IQSEC1: variants seen among roughly 807,000 people sequenced by gnomAD.
IQSEC1 encodes IQ motif and SEC7 domain-containing protein 1.
In IQSEC1, 31 loss-of-function variants were observed where a neutral mutation model predicts 91.0. The ratio of observed to expected loss-of-function variants is 0.34; its 90% CI spans 0.26 to 0.46. The LOEUF is 0.46. IQSEC1 is among the 20% of genes least tolerant of loss of function. IQSEC1 has a pLI of 1.00. For synonymous variants in IQSEC1, 699 were observed against 662.6 expected (o/e 1.05, Z -0.84); for missense variants, 1,388 against 1,575.6 (o/e 0.88, Z 2.02).
intron 13 of IQSEC1, among the ~76,000 whole-genome samples, chr3:12,902,065 T>C (rs962111475): frequency 6.6e-6 from 1 of 152,058 alleles, no homozygotes; most frequent in Non-Finnish European, 1.5e-5. Context: ...CCTTGTCCTC[T>C]GGGAGAATGG....
chr3:13,037,309 C>T (rs1704072082), intron 1 of IQSEC1, among the ~76,000 whole-genome samples: 1 of 152,106 alleles, frequency 6.6e-6, no homozygotes, highest in African/African-American at 2.4e-5. Flanking sequence ...CCATAAATGC[C>T]CGCAGCCAAG....
chr3:12,913,696 T>G (rs979473277), intron 8 of IQSEC1, 143 bp from the exon 9 acceptor site: 2 of 677,158 alleles, frequency 3.0e-6, no homozygotes, highest in Non-Finnish European at 4.7e-6. Context: ...TCACAGACAT[T>G]GAAGAGCAGA....
intron 2 of IQSEC1, among the ~76,000 whole-genome samples, chr3:13,118,578 A>G (rs1219694688): frequency 3.3e-5 from 5 of 152,196 alleles, no homozygotes; most frequent in Non-Finnish European, 7.3e-5. Context: ...ATACTGAATG[A>G]TTTCATTTAT....
At chr3:13,273,255 C>T (rs1034806970) in intron 1 of IQSEC1, among the ~76,000 whole-genome samples, 12 of 152,152 alleles carry the variant, frequency 7.9e-5, no homozygotes, top group African/African-American at 2.2e-4. Context: ...AATACTCCAC[C>T]GGGAGCCTCA....
chr3:12,901,603 A>G, intron 13 of IQSEC1, 81 bp from the exon 14 acceptor site: 1 of 1,202,284 alleles, frequency 8.3e-7, no homozygotes, highest in South Asian at 1.4e-5. Flanking sequence ...TTCAAATGTA[A>G]AAATTCACCC....
chr3:12,960,953 T>C (rs1035273703), intron 1 of IQSEC1, among the ~76,000 whole-genome samples: 1 of 152,240 alleles, frequency 6.6e-6, no homozygotes, highest in Non-Finnish European at 1.5e-5. Context: ...GGGGACCACC[T>C]TGCCCTGGCC....
At chr3:13,185,893 C>T (rs1559272702) in intron 1 of IQSEC1, among the ~76,000 whole-genome samples, 2 of 152,256 alleles carry the variant, frequency 1.3e-5, no homozygotes, top group Non-Finnish European at 2.9e-5. Flanking sequence ...CTCTTCATTC[C>T]TGTCCAGGGC....
At chr3:13,043,301 T>C (rs576097442) in intron 1 of IQSEC1, among the ~76,000 whole-genome samples, 7 of 151,896 alleles carry the variant, frequency 4.6e-5, no homozygotes, top group Non-Finnish European at 1.0e-4. Flanking sequence ...CACCCTCACC[T>C]CTCCCCTTGT....
intron 2 of IQSEC1, among the ~76,000 whole-genome samples, chr3:13,106,605 C>A (rs1013451858): frequency 9.2e-5 from 14 of 152,182 alleles, no homozygotes; most frequent in African/African-American, 3.4e-4. Context: ...CTGCCCTTAA[C>A]CCTTAGGCAG....
At chr3:13,156,232 A>C (rs1038665425) in intron 2 of IQSEC1, among the ~76,000 whole-genome samples, 1 of 152,036 alleles carries the variant, frequency 6.6e-6, no homozygotes, top group African/African-American at 2.4e-5. Context: ...ACTCCGTCCC[A>C]AAAAAATAAA....
At chr3:13,154,205 A>G (rs1356302098) in intron 2 of IQSEC1, among the ~76,000 whole-genome samples, 1 of 150,936 alleles carries the variant, frequency 6.6e-6, no homozygotes, top group Non-Finnish European at 1.5e-5. Flanking sequence ...ATCTTATCTG[A>G]CTGGTGGAAC....
At chr3:13,272,648 T>C (rs62234256) in intron 1 of IQSEC1, among the ~76,000 whole-genome samples, 1,602 of 152,286 alleles carry the variant, frequency 0.011, 12 homozygotes, top group South Asian at 0.028. Flanking sequence ...CACATCTCGA[T>C]GTCCGGCAAC....
chr3:13,003,276 C>CAAAAAAA (rs56239928), intron 1 of IQSEC1, among the ~76,000 whole-genome samples: 27 of 57,040 alleles, frequency 4.7e-4, no homozygotes, highest in East Asian at 2.0e-3. Flanking sequence ...CTGTCTCTAC[C>CAAAAAAA]AAAAAAAAAA....
chr3:13,038,655 T>A lies in IQSEC1; in HGVS notation c.23+34337A>T, dbSNP rs186180264. 4.2e-3 allele frequency among the ~76,000 whole-genome samples: 635 copies of A among 152,218 alleles called. 1 individual carries two copies. Among genetic ancestry groups the A allele is most frequent in the Non-Finnish European group, 6.2e-3 (424 of 68,006 alleles). ...CGTCTTAAAAATAATTGAAAGAGTA[T>A]AATTGGATTATTTGTAACTCGAAGG... On this transcript the variant is annotated intron_variant, in intron 1 of 13. Transcript: ENST00000613206.
chr3:12,991,855 G>T (rs1702005568), intron 1 of IQSEC1, among the ~76,000 whole-genome samples: 1 of 151,820 alleles, frequency 6.6e-6, no homozygotes, highest in African/African-American at 2.4e-5. Flanking sequence ...AAGGGTGGTG[G>T]TGTGGGGACA....
chr3:13,089,165 C>G (rs1448038571), intron 2 of IQSEC1, among the ~76,000 whole-genome samples: 1 of 152,266 alleles, frequency 6.6e-6, no homozygotes, highest in African/African-American at 2.4e-5. Flanking sequence ...TGGCCTTTTA[C>G]TTTAGCACTT....
At chr3:12,978,080 A>C (rs1185989001) in intron 1 of IQSEC1, among the ~76,000 whole-genome samples, 1 of 152,252 alleles carries the variant, frequency 6.6e-6, no homozygotes, top group Non-Finnish European at 1.5e-5. Flanking sequence ...GAGTGAAAGT[A>C]ATTCACAATT....
At chr3:13,190,220 G>A (rs1322713183) in intron 1 of IQSEC1, among the ~76,000 whole-genome samples, 1 of 152,180 alleles carries the variant, frequency 6.6e-6, no homozygotes, top group Admixed American at 6.5e-5. Flanking sequence ...GCACTGAGGG[G>A]AAAAGCCATT....
chr3:13,144,684 C>T (rs1209761894), intron 2 of IQSEC1, among the ~76,000 whole-genome samples: 2 of 152,258 alleles, frequency 1.3e-5, no homozygotes, highest in East Asian at 1.9e-4. Context: ...TCCCACACTC[C>T]CTCCTCCATC....
Sources: gnomAD v4.1 joint callset for allele counts (sites outside exome capture counted in the v4.1 genomes callset) on GRCh38, gnomAD v4.1.1 for gene constraint, MANE v1.5 for transcripts, NCBI Gene and HGNC (gene_info 2026-07-23, HGNC 2026-07-21) for gene names.